ADAMTS18: variants seen among roughly 807,000 people sequenced by gnomAD.
The protein encoded by ADAMTS18 is A disintegrin and metalloproteinase with thrombospondin motifs 18.
A neutral mutation model predicts 165.9 loss-of-function variants in ADAMTS18; 157 were observed. That is an observed-to-expected ratio of 0.95 (90% CI 0.83 to 1.08). ADAMTS18 has a LOEUF of 1.08. Ranked by LOEUF, ADAMTS18 falls within the 50% of genes least tolerant of loss-of-function variation. The probability of loss-of-function intolerance (pLI) is 0.00; values close to 1 mark genes in which losing one functional copy is unlikely to be tolerated. For missense variants in ADAMTS18, 2,040 were observed against 1,534.0 expected (o/e 1.33, Z -5.51); for synonymous variants, 782 against 578.2 (o/e 1.35, Z -5.06).
chr16:77,366,726 C>A (rs1394717395), intron 4 of ADAMTS18, among the ~76,000 whole-genome samples: 1 of 152,030 alleles, frequency 6.6e-6, no homozygotes, highest in African/African-American at 2.4e-5. Flanking sequence ...TCATCTGAAT[C>A]GACTGGTTTA....
intron 3 of ADAMTS18, among the ~76,000 whole-genome samples, chr16:77,422,322 G>A (rs367851852): frequency 2.6e-5 from 4 of 151,914 alleles, no homozygotes; most frequent in East Asian, 1.9e-4. Context: ...ATAAGTCACC[G>A]CAGATGCCAG....
At chr16:77,375,860 A>C (rs568849443) in intron 3 of ADAMTS18, among the ~76,000 whole-genome samples, 9 of 151,534 alleles carry the variant, frequency 5.9e-5, no homozygotes, top group African/African-American at 2.2e-4. Context: ...GCAGAAGGCA[A>C]AGGGTTTTAT....
intron 3 of ADAMTS18, among the ~76,000 whole-genome samples, chr16:77,413,926 A>G (rs1025951899): frequency 6.6e-6 from 1 of 152,204 alleles, no homozygotes; most frequent in Non-Finnish European, 1.5e-5. Flanking sequence ...TTTATCTTCA[A>G]AAGAAACATT....
chr16:77,397,366 C>T (rs1597222937), intron 3 of ADAMTS18, among the ~76,000 whole-genome samples: 1 of 152,162 alleles, frequency 6.6e-6, no homozygotes, highest in Non-Finnish European at 1.5e-5. Context: ...CAGGCCATGG[C>T]TATAATGTTA....
In ADAMTS18 at chr16:77,321,253, G is replaced by A. The variant is rs767939649; in HGVS notation, c.2164-51C>T. 7.4e-6 allele frequency: 12 copies of A among 1,610,804 alleles called. No homozygotes were observed. In the African/African-American group the frequency reaches 1.3e-4, roughly 18 times the overall value. Reference sequence around the variant, plus strand: ...AAAATAAAAGATCAGAGAAGCCAGAGGCTGGGAATAATTAAGAGGTATATG... The same window carrying A: ...AAAATAAAAGATCAGAGAAGCCAGAAGCTGGGAATAATTAAGAGGTATATG... On this transcript the variant is annotated intron_variant, in intron 14 of 22. Transcript: ENST00000282849.
intron 3 of ADAMTS18, among the ~76,000 whole-genome samples, chr16:77,386,710 G>A (rs552496253): frequency 1.1e-4 from 17 of 152,146 alleles, no homozygotes; most frequent in African/African-American, 3.1e-4. Context: ...TAGCTAGGGC[G>A]TTTCTTTTTC....
At chr16:77,334,203 A>G (rs1466309702) in intron 12 of ADAMTS18, among the ~76,000 whole-genome samples, 1 of 80,092 alleles carries the variant, frequency 1.2e-5, no homozygotes, top group African/African-American at 5.3e-5. Flanking sequence ...TATATTACAT[A>G]TAATATACAG....
At chr16:77,295,277 C>T (rs772347270) in intron 18 of ADAMTS18, 150 bp from the exon 19 acceptor site, 15 of 806,858 alleles carry the variant, frequency 1.9e-5, no homozygotes, top group Non-Finnish European at 2.9e-5. Context: ...TTTGAGGGAT[C>T]CAGAGGCTTA....
Position 77,353,802 on chromosome 16 carries a change from A to G in ADAMTS18, c.1545T>C (p.Tyr515=), listed in dbSNP as rs143834533. The change falls in exon 10 of 23, where the codon TAT becomes TAC. Residue 515 remains tyrosine (Y), a synonymous_variant. Transcript: ENST00000282849. ...GCCATTTACACTGTGTGTCAGCATC[A>G]TAAATCTGTCCTGGTAGTTTGTCCG... The part of the protein sequence containing the change: ...KYPDKLPGQI[Y]DADTQCKWQF... 456 of 1,614,062 alleles carry G rather than the reference A, an allele frequency of 2.8e-4. 2 individuals are homozygous for G. The highest frequency in any genetic ancestry group is 3.7e-4 in the Non-Finnish European group (435 of 1,180,032).
intron 22 of ADAMTS18, among the ~76,000 whole-genome samples, chr16:77,285,193 A>G (rs530991538): frequency 6.6e-6 from 1 of 152,212 alleles, no homozygotes; most frequent in East Asian, 1.9e-4. Flanking sequence ...TTTGTTTGAG[A>G]TGGAATTTTG....
At chr16:77,334,639 A>G (rs1195751861) in intron 12 of ADAMTS18, among the ~76,000 whole-genome samples, 1 of 113,706 alleles carries the variant, frequency 8.8e-6, no homozygotes, top group East Asian at 2.5e-4. Context: ...TATAGTATAT[A>G]GTGTATATAC....
At chr16:77,408,750 G>A (rs182257140) in intron 3 of ADAMTS18, among the ~76,000 whole-genome samples, 272 of 152,204 alleles carry the variant, frequency 1.8e-3, no homozygotes, top group African/African-American at 5.1e-3. Context: ...TTGCAATGAT[G>A]GTGACATGAT....
At chr16:77,344,428 G>T (rs900773476) in intron 10 of ADAMTS18, among the ~76,000 whole-genome samples, 14 of 152,048 alleles carry the variant, frequency 9.2e-5, no homozygotes, top group Non-Finnish European at 1.5e-4. Flanking sequence ...TCATCGCTAC[G>T]TGTTGTCGTA....
intron 10 of ADAMTS18, among the ~76,000 whole-genome samples, chr16:77,353,251 AGAT>A (rs1363934602): frequency 6.6e-6 from 1 of 152,190 alleles, no homozygotes; most frequent in Non-Finnish European, 1.5e-5. Context: ...TTTGAAGAAA[AGAT>A]GACACAAAAA....
chr16:77,290,943 C>G (rs1446569181), intron 21 of ADAMTS18: 2 of 409,342 alleles, frequency 4.9e-6, no homozygotes, highest in Non-Finnish European at 4.6e-6. Context: ...CAGAAAGACT[C>G]GAGTGGTAGT....
At chr16:77,354,440 G>A (rs368918489) in intron 9 of ADAMTS18, among the ~76,000 whole-genome samples, 1 of 151,946 alleles carries the variant, frequency 6.6e-6, no homozygotes, top group African/African-American at 2.4e-5. Context: ...GGGGGATGAG[G>A]CAGAAAAATT....
chr16:77,405,831 G>C (rs2057386907), intron 3 of ADAMTS18, among the ~76,000 whole-genome samples: 1 of 151,964 alleles, frequency 6.6e-6, no homozygotes, highest in South Asian at 2.1e-4. Flanking sequence ...AAGACACACT[G>C]GTCCTATCAG....
intron 4 of ADAMTS18, among the ~76,000 whole-genome samples, chr16:77,364,589 C>T (rs1159220392): frequency 2.1e-5 from 3 of 145,490 alleles, no homozygotes; most frequent in African/African-American, 7.7e-5. Context: ...TTTGGATGCA[C>T]AGATGGGTAG....
chr16:77,336,028 C>T (rs981603786), intron 11 of ADAMTS18, 124 bp from the exon 12 acceptor site: 1 of 1,161,976 alleles, frequency 8.6e-7, no homozygotes, highest in East Asian at 2.4e-5. Context: ...ATGCCTGATA[C>T]CTTGATAAAT....
Sources: allele counts gnomAD v4.1 joint callset (sites outside exome capture counted in the v4.1 genomes callset), GRCh38; gene constraint gnomAD v4.1.1; transcripts MANE v1.5; gene names NCBI Gene and HGNC (gene_info 2026-07-23, HGNC 2026-07-21).